CREBBP: variants seen among roughly 807,000 people sequenced by gnomAD.
CREBBP encodes CREB-binding protein.
In CREBBP, 19 loss-of-function variants were observed where a neutral mutation model predicts 265.0. The ratio of observed to expected loss-of-function variants is 0.07; its 90% CI spans 0.05 to 0.11. The LOEUF is 0.11. Among genes scored for constraint, CREBBP ranks in the 10% least tolerant of loss-of-function variants. The pLI, the probability that CREBBP is intolerant of heterozygous loss-of-function variation, is 1.00. For synonymous variants in CREBBP, 1,457 were observed against 1,223.7 expected (o/e 1.19, Z -3.98); for missense variants, 2,525 against 3,219.0 (o/e 0.78, Z 5.22).
At chr16:3,842,953 C>G (rs1428394485) in intron 2 of CREBBP, among the ~76,000 whole-genome samples, 5 of 53,890 alleles carry the variant, frequency 9.3e-5, no homozygotes, top group African/African-American at 3.6e-4. Flanking sequence ...GCAAAAAGAG[C>G]GAAACTCCCA....
intron 2 of CREBBP, among the ~76,000 whole-genome samples, chr16:3,845,948 A>C (rs1032070190): frequency 2.6e-5 from 4 of 151,516 alleles, no homozygotes; most frequent in Non-Finnish European, 5.9e-5. Context: ...AATATTTCTT[A>C]ATTTTTTAAT....
intron 1 of CREBBP, among the ~76,000 whole-genome samples, chr16:3,878,953 T>C (rs944389016): frequency 4.0e-5 from 6 of 150,690 alleles, no homozygotes; most frequent in Non-Finnish European, 8.8e-5. Context: ...AGCCGTTTAA[T>C]GAAAGGAAAC....
At chr16:3,762,233 C>T (rs2052736376) in intron 16 of CREBBP, among the ~76,000 whole-genome samples, 2 of 152,202 alleles carry the variant, frequency 1.3e-5, no homozygotes, top group African/African-American at 4.8e-5. Flanking sequence ...AGAAGGCCTG[C>T]AGACCCTGTC....
Position 3,738,676 on chromosome 16 carries a change from T to C in CREBBP, c.4281-4A>G. 1 of 1,593,400 alleles carries C rather than the reference T, an allele frequency of 6.3e-7. No homozygotes were observed. Among genetic ancestry groups the C allele is most frequent in the South Asian group, 1.1e-5 (1 of 90,228 alleles). On this transcript the variant is annotated splice_region_variant and splice_polypyrimidine_tract_variant and intron_variant, in intron 25 of 30. Coordinates refer to ENST00000262367, the MANE Select transcript of CREBBP (RefSeq NM_004380.3). ...CAGATAAGAAATGTACACACGCCTG[T>C]GGGAAGGAGGCACATGTTTAACTCA...
At chr16:3,803,558 C>A (rs1399886742) in intron 3 of CREBBP, among the ~76,000 whole-genome samples, 1 of 151,908 alleles carries the variant, frequency 6.6e-6, no homozygotes, top group Admixed American at 6.6e-5. Context: ...GGGAAATAAT[C>A]CAGAATGATT....
At chr16:3,769,824 A>G (rs2052955529) in intron 14 of CREBBP, among the ~76,000 whole-genome samples, 1 of 152,228 alleles carries the variant, frequency 6.6e-6, no homozygotes, top group Non-Finnish European at 1.5e-5. Flanking sequence ...TGAACATTAC[A>G]CGAAGGAACC....
chr16:3,847,068 C>T (rs937682388), intron 2 of CREBBP, among the ~76,000 whole-genome samples: 1 of 152,150 alleles, frequency 6.6e-6, no homozygotes, highest in South Asian at 2.1e-4. Flanking sequence ...AGAAACAATC[C>T]AAATGTTCAT....
intron 2 of CREBBP, among the ~76,000 whole-genome samples, chr16:3,849,493 T>C (rs1473848491): frequency 5.2e-5 from 6 of 114,744 alleles, no homozygotes; most frequent in African/African-American, 1.8e-4. Context: ...GTGTGTGATG[T>C]GCGTGACCTT....
At chr16:3,878,324 A>G (rs530582897) in intron 1 of CREBBP, among the ~76,000 whole-genome samples, 2 of 152,352 alleles carry the variant, frequency 1.3e-5, no homozygotes, top group South Asian at 2.1e-4. Flanking sequence ...TCTCACTTCA[A>G]TAAGTTCATT....
At chr16:3,736,953 G>A (rs1279832148) in intron 26 of CREBBP, 138 bp from the exon 27 acceptor site, 2 of 1,073,822 alleles carry the variant, frequency 1.9e-6, no homozygotes, top group African/African-American at 1.6e-5. Context: ...CACAAAGCTG[G>A]GTGTGGTGGG....
In CREBBP at chr16:3,770,930, G is replaced by A. The variant is rs765889837; in HGVS notation, c.2520C>T (p.Ala840=). The change falls in exon 14 of 31, where the codon GCC becomes GCT. Residue 840 remains alanine, a synonymous_variant. Coordinates refer to ENST00000262367, the MANE Select transcript of CREBBP (RefSeq NM_004380.3). ...TCACTGGAGGGCAAGGTAGCTGGCT[G>A]GCCTGAGGCCCCAGCATGTTGAGAG... The part of the protein sequence containing the change: ...PNPLNMLGPQ[A]SQLPCPPVTQ... 1.9e-6 allele frequency: 3 copies of A among 1,613,756 alleles called. No homozygotes were observed. In the Admixed American group the frequency reaches 5.0e-5, roughly 27 times the overall value.
intron 5 of CREBBP, chr16:3,784,447 A>G (rs2053341898): frequency 1.3e-5 from 2 of 152,194 alleles, no homozygotes; most frequent in South Asian, 4.1e-4. Context: ...CACGCACAAT[A>G]CCTTTAAAAG....
chr16:3,829,018 A>G (rs2054292332), intron 2 of CREBBP, among the ~76,000 whole-genome samples: 2 of 152,022 alleles, frequency 1.3e-5, no homozygotes, highest in South Asian at 4.1e-4. Context: ...TCACACTGAA[A>G]TTTTATGCTA....
At chr16:3,738,851 T>C (rs1173278834) in intron 25 of CREBBP, among the ~76,000 whole-genome samples, 179 bp from the exon 26 acceptor site, 2 of 152,142 alleles carry the variant, frequency 1.3e-5, no homozygotes, top group African/African-American at 4.8e-5. Context: ...GCTCAAGCAA[T>C]CCTCCTGCCT....
In CREBBP at chr16:3,770,638, A is replaced by G. The variant is rs2141199418; in HGVS notation, c.2812T>C (p.Ser938Pro). 2 of 1,613,928 alleles carry G rather than the reference A, an allele frequency of 1.2e-6. No homozygotes were observed. The highest frequency in any genetic ancestry group is 1.7e-6 in the Non-Finnish European group (2 of 1,180,014). Residue 938 changes from serine (S) to proline (P), a missense_variant, in exon 14 of 31, where the codon TCT becomes CCT. By Grantham distance (74) the Ser-to-Pro change is moderately conservative (BLOSUM62 -1). Around this residue, in one of 19 missense-constraint regions of CREBBP, gnomAD observed 548 missense variants for 533.0 expected, o/e 1.03. Transcript: ENST00000262367. ...PQPQTPVQPP[S>P]VATPQSSQQQ... ...TGCGATGACTGAGGGGTAGCCACAGACGGGGGCTGAACTGGGGTTTGAGGC... is the reference window on the plus strand; with the variant it reads ...TGCGATGACTGAGGGGTAGCCACAGGCGGGGGCTGAACTGGGGTTTGAGGC...
intron 16 of CREBBP, among the ~76,000 whole-genome samples, chr16:3,762,497 ACT>A (rs1301719472): frequency 6.8e-6 from 1 of 147,870 alleles, no homozygotes; most frequent in Non-Finnish European, 1.5e-5. Context: ...GCATTTTCAG[ACT>A]CCTGTCTTCA....
intron 6 of CREBBP, 25 bp downstream of exon 6, chr16:3,782,659 C>T (rs192344976): frequency 1.6e-5 from 26 of 1,613,294 alleles, no homozygotes; most frequent in Middle Eastern, 1.7e-4. Flanking sequence ...CAAGTAAGAA[C>T]GAAGTTGAGA....
rs2052891694 is a variant in CREBBP at position 3,767,762 on chromosome 16, T to C, written c.3208A>G (p.Thr1070Ala). ...GAAGGAGATGTTGACTGAGAGGCTG[T>C]GCCGTTACTGCTACTCTCTTCTTCC... ...KEEEESSSNGTASQSTSPSQP... is the reference protein window; with the variant it reads ...KEEEESSSNGAASQSTSPSQP... Residue 1070 changes from threonine to alanine, a missense_variant, in exon 16 of 31, where the codon ACA becomes GCA. Around this residue, in one of 19 missense-constraint regions of CREBBP, gnomAD observed 548 missense variants for 533.0 expected, o/e 1.03. Transcript: ENST00000262367. 1.9e-6 allele frequency: 3 copies of C among 1,614,146 alleles called. No homozygotes were observed. The highest frequency in any genetic ancestry group is 2.7e-5 in the African/African-American group (2 of 74,944).
chr16:3,790,444 G>T (rs972788570), intron 5 of CREBBP, among the ~76,000 whole-genome samples: 1 of 144,274 alleles, frequency 6.9e-6, no homozygotes, highest in South Asian at 2.2e-4. Flanking sequence ...GCGTGATCTC[G>T]GCTCACCGCA....
Sources: allele counts gnomAD v4.1 joint callset (sites outside exome capture counted in the v4.1 genomes callset), GRCh38; gene constraint gnomAD v4.1.1; regional missense constraint gnomAD v4.1.1; transcripts MANE v1.5; gene names NCBI Gene and HGNC (gene_info 2026-07-23, HGNC 2026-07-21).